The following ZNF536 variants were observed in gnomAD, a reference collection of about 807,000 sequenced individuals.
The protein encoded by ZNF536 is zinc finger protein 536.
ZNF536 carries 13 observed loss-of-function variants against 84.5 expected under a neutral mutation model. The observed-to-expected ratio is 0.15, with a 90% CI of 0.10 to 0.24. ZNF536 has a LOEUF of 0.24. ZNF536 is among the 10% of genes least tolerant of loss of function. ZNF536 has a pLI of 1.00. For synonymous variants in ZNF536, 811 were observed against 742.5 expected, an observed-to-expected ratio of 1.09 and a Z score of -1.50; for missense variants, 1,536 against 1,747.5, an observed-to-expected ratio of 0.88 and a Z score of 2.16.
intron 1 of ZNF536, among the ~76,000 whole-genome samples, chr19:30,388,820 T>A (rs2049455907): frequency 6.6e-6 from 1 of 152,220 alleles, no homozygotes; most frequent in South Asian, 2.1e-4. Flanking sequence ...GAGAGATTCC[T>A]TTATGGGCTT....
At chr19:30,335,260 G>A (rs919652020) in intron 2 of ZNF536, among the ~76,000 whole-genome samples, 1 of 152,108 alleles carries the variant, frequency 6.6e-6, no homozygotes, top group African/African-American at 2.4e-5. Context: ...TTAACCTCTC[G>A]GAACCTTAGT....
At chr19:30,623,551 G>A (rs555033884) in intron 1 of ZNF536, among the ~76,000 whole-genome samples, 1 of 152,236 alleles carries the variant, frequency 6.6e-6, no homozygotes, top group African/African-American at 2.4e-5. Context: ...AGGCCCAGCA[G>A]CCTCCCAGGG....
chr19:30,431,191 C>T (rs563666628), intron 1 of ZNF536, among the ~76,000 whole-genome samples: 1 of 152,156 alleles, frequency 6.6e-6, no homozygotes, highest in South Asian at 2.1e-4. Context: ...GCAGCCAGCT[C>T]CCCCAGAACC....
At chr19:30,476,961 T>C (rs1599509752) in intron 2 of ZNF536, among the ~76,000 whole-genome samples, 1 of 152,056 alleles carries the variant, frequency 6.6e-6, no homozygotes, top group Admixed American at 6.5e-5. Flanking sequence ...TGCTGGGTTT[T>C]TTTTTTTAAT....
chr19:30,503,115 T>C (rs1330245799), intron 2 of ZNF536, among the ~76,000 whole-genome samples: 4 of 152,072 alleles, frequency 2.6e-5, no homozygotes, highest in African/African-American at 9.7e-5. Flanking sequence ...TTGAATGAAT[T>C]TGACTGCATA....
intron 2 of ZNF536, among the ~76,000 whole-genome samples, chr19:30,317,978 C>T (rs1461288635): frequency 6.6e-6 from 1 of 152,170 alleles, no homozygotes; most frequent in African/African-American, 2.4e-5. Context: ...GCAGGCTAAG[C>T]GACCGAGTGC....
At chr19:30,518,593 G>A (rs189485669) in intron 2 of ZNF536, among the ~76,000 whole-genome samples, 13 of 152,348 alleles carry the variant, frequency 8.5e-5, no homozygotes, top group African/African-American at 1.9e-4. Flanking sequence ...GATGATGTGC[G>A]TGTGTACGCA....
intron 3 of ZNF536, among the ~76,000 whole-genome samples, chr19:30,546,487 C>A (rs1011131942): frequency 6.6e-6 from 1 of 152,186 alleles, no homozygotes; most frequent in African/African-American, 2.4e-5. Context: ...GGTTCTGGCA[C>A]GTGATCTGGA....
intron 2 of ZNF536, among the ~76,000 whole-genome samples, chr19:30,509,375 G>A (rs895639090): frequency 7.0e-6 from 1 of 143,520 alleles, no homozygotes; most frequent in Admixed American, 7.0e-5. Context: ...ATACATATAT[G>A]ATATATATTA....
intron 1 of ZNF536, among the ~76,000 whole-genome samples, chr19:30,703,778 C>T (rs1013900654): frequency 3.3e-5 from 5 of 152,162 alleles, no homozygotes; most frequent in South Asian, 4.1e-4. Context: ...TGGAGTTCTT[C>T]GTCATTTACC....
chr19:30,581,858 C>A (rs1369415182), intron 1 of ZNF536, among the ~76,000 whole-genome samples: 2 of 152,138 alleles, frequency 1.3e-5, no homozygotes, highest in Admixed American at 1.3e-4. Context: ...TGCTTGAACC[C>A]AGGAGGCAGA....
chr19:30,495,152 A>G (rs1011398960), intron 2 of ZNF536, among the ~76,000 whole-genome samples: 3 of 152,164 alleles, frequency 2.0e-5, no homozygotes, highest in South Asian at 2.1e-4. Context: ...TACCTTTCAC[A>G]TAGTACATTA....
At chr19:30,252,983 A>C (rs1224517571) in intron 1 of ZNF536, among the ~76,000 whole-genome samples, 4 of 152,216 alleles carry the variant, frequency 2.6e-5, no homozygotes, top group Non-Finnish European at 5.9e-5. Flanking sequence ...AATGCTGATG[A>C]TGATGGTGAT....
rs746861188 is a variant in ZNF536, at chr19:30,700,081, CTCTT to C, written c.170-10668_170-10665del. On this transcript the variant is annotated intron_variant, in intron 1 of 1. Coordinates refer to the ZNF536 transcript ENST00000592773. ...CCTCCGCCTCCCTCCTTCTCTCTCCCTCTTTCTTTCTCTTTCCTTCCTTTCTTCC... is the reference window on the plus strand; with the variant it reads ...CCTCCGCCTCCCTCCTTCTCTCTCCCTCTTTCTCTTTCCTTCCTTTCTTCC... Among the ~76,000 whole-genome samples the C allele has an allele frequency of 1.7e-3, 257 of 150,156 alleles. 2 individuals are homozygous for C. Among genetic ancestry groups the C allele is most frequent in the Non-Finnish European group, 2.4e-3 (163 of 67,518 alleles).
intron 2 of ZNF536, among the ~76,000 whole-genome samples, chr19:30,524,448 A>G (rs991553590): frequency 4.6e-5 from 7 of 152,198 alleles, no homozygotes; most frequent in African/African-American, 1.2e-4. Flanking sequence ...TCTGCCAACT[A>G]TTAAATGAAA....
intron 1 of ZNF536, among the ~76,000 whole-genome samples, chr19:30,669,194 G>A (rs973949588): frequency 7.9e-5 from 12 of 152,222 alleles, no homozygotes; most frequent in Non-Finnish European, 1.8e-4. Flanking sequence ...CTCCCTGTCT[G>A]TTTTTGGAGA....
chr19:30,253,643 C>T (rs2024740571), intron 1 of ZNF536, among the ~76,000 whole-genome samples: 1 of 152,204 alleles, frequency 6.6e-6, no homozygotes, highest in South Asian at 2.1e-4. Flanking sequence ...TGCTTCCCCA[C>T]CCATGGGCTG....
chr19:30,302,008 T>C (rs1010548607), intron 2 of ZNF536, among the ~76,000 whole-genome samples: 1 of 152,184 alleles, frequency 6.6e-6, no homozygotes, highest in Non-Finnish European at 1.5e-5. Flanking sequence ...GATACTTTCA[T>C]AGAGATGATG....
chr19:30,484,119 C>T, intron 2 of ZNF536, among the ~76,000 whole-genome samples: 1 of 152,094 alleles, frequency 6.6e-6, no homozygotes, highest in Non-Finnish European at 1.5e-5. Flanking sequence ...TCTCTCACTC[C>T]CTCCTACGCC....
Sources: allele counts gnomAD v4.1 joint callset (sites outside exome capture counted in the v4.1 genomes callset), GRCh38; gene constraint gnomAD v4.1.1; transcripts MANE v1.5; gene names NCBI Gene and HGNC (gene_info 2026-07-23, HGNC 2026-07-21).